The following EPHA6 variants were observed in gnomAD, a reference collection of about 807,000 sequenced individuals.
The protein encoded by EPHA6 is ephrin type-A receptor 6.
A neutral mutation model predicts 112.0 loss-of-function variants in EPHA6; 50 were observed. The ratio of observed to expected loss-of-function variants is 0.45; its 90% CI spans 0.36 to 0.56. EPHA6 has a LOEUF of 0.56. Ranked by LOEUF, EPHA6 falls within the 20% of genes least tolerant of loss-of-function variation. The probability of loss-of-function intolerance (pLI) is 0.00; values close to 1 mark genes in which losing one functional copy is unlikely to be tolerated. For missense variants in EPHA6, 1,280 were observed against 1,417.4 expected (o/e 0.90, Z 1.56); for synonymous variants, 529 against 490.7 (o/e 1.08, Z -1.03).
chr3:97,238,937 ATT>A (rs1281679445), intron 4 of EPHA6, among the ~76,000 whole-genome samples: 1 of 151,934 alleles, frequency 6.6e-6, no homozygotes, highest in Non-Finnish European at 1.5e-5. Flanking sequence ...GGTCTATTCG[ATT>A]TTTTGTTTGC....
intron 5 of EPHA6, among the ~76,000 whole-genome samples, chr3:97,386,334 T>C (rs556113002): frequency 3.9e-5 from 6 of 152,162 alleles, no homozygotes; most frequent in African/African-American, 9.6e-5. Context: ...ACAGAAAATT[T>C]GAATAAAAGA....
Position 96,856,075 on chromosome 3 carries a change from GA to G in EPHA6, c.386-10744del, listed in dbSNP as rs563953697. 3.9e-3 allele frequency among the ~76,000 whole-genome samples: 591 copies of G among 152,008 alleles called. 2 individuals carry two copies. Among genetic ancestry groups the G allele is most frequent in the Non-Finnish European group, 7.0e-3 (478 of 67,956 alleles). On this transcript the variant is annotated intron_variant, in intron 1 of 17. Transcript: ENST00000389672. ...GTAACATGGGCAAACCCCATCTCTA[GA>G]AAAAAGTGCAAACATTAGCCGGGCA...
chr3:97,700,770 T>A (rs1268345209), intron 14 of EPHA6, among the ~76,000 whole-genome samples: 2 of 152,198 alleles, frequency 1.3e-5, no homozygotes, highest in Non-Finnish European at 2.9e-5. Context: ...TATTACAAAA[T>A]ATTCAGTTCT....
intron 11 of EPHA6, among the ~76,000 whole-genome samples, chr3:97,551,395 T>A (rs2093026864): frequency 1.3e-5 from 2 of 152,182 alleles, no homozygotes; most frequent in South Asian, 4.1e-4. Flanking sequence ...CATTGGGTTA[T>A]ATCAATCACT....
intron 2 of EPHA6, among the ~76,000 whole-genome samples, chr3:96,934,251 G>A (rs2040473257): frequency 6.6e-6 from 1 of 151,730 alleles, no homozygotes; most frequent in Non-Finnish European, 1.5e-5. Context: ...GTCCTGGGAG[G>A]TAGTAACAAT....
chr3:97,124,507 G>GAGAAAT (rs2048132025), intron 3 of EPHA6, among the ~76,000 whole-genome samples: 1 of 145,916 alleles, frequency 6.9e-6, no homozygotes, highest in African/African-American at 2.5e-5. Context: ...GAAAGAGAAA[G>GAGAAAT]AAAGATGTTA....
At chr3:97,169,395 G>A (rs1285144145) in intron 3 of EPHA6, among the ~76,000 whole-genome samples, 1 of 152,084 alleles carries the variant, frequency 6.6e-6, no homozygotes, top group Admixed American at 6.6e-5. Flanking sequence ...TCAGTGCAAT[G>A]GATAGTAGAA....
intron 3 of EPHA6, among the ~76,000 whole-genome samples, chr3:97,056,470 G>A (rs1232496723): frequency 6.6e-6 from 1 of 152,138 alleles, no homozygotes; most frequent in Non-Finnish European, 1.5e-5. Context: ...GGAGGAAATT[G>A]GTCTTCTAGT....
intron 6 of EPHA6, among the ~76,000 whole-genome samples, chr3:97,415,744 A>G (rs1360247678): frequency 3.9e-5 from 6 of 152,088 alleles, no homozygotes; most frequent in African/African-American, 9.7e-5. Context: ...TATTCCTTTG[A>G]TAAATTAAAT....
chr3:97,652,488 T>A (rs1478676152), intron 14 of EPHA6, among the ~76,000 whole-genome samples: 2 of 152,060 alleles, frequency 1.3e-5, no homozygotes, highest in African/African-American at 2.4e-5. Context: ...GTTATACCAC[T>A]ATCCTTGGAC....
chr3:97,281,829 A>G (rs1012212724), intron 5 of EPHA6, among the ~76,000 whole-genome samples: 1 of 152,208 alleles, frequency 6.6e-6, no homozygotes, highest in Non-Finnish European at 1.5e-5. Flanking sequence ...GGAATTTTTA[A>G]TAAGTCAGGG....
intron 3 of EPHA6, among the ~76,000 whole-genome samples, chr3:97,190,277 A>T (rs758229851): frequency 1.3e-5 from 2 of 152,046 alleles, no homozygotes; most frequent in African/African-American, 2.4e-5. Flanking sequence ...TTAACTACCA[A>T]CATATTTATG....
intron 2 of EPHA6, among the ~76,000 whole-genome samples, chr3:96,935,073 A>G (rs1368737756): frequency 6.6e-6 from 1 of 151,850 alleles, no homozygotes; most frequent in African/African-American, 2.4e-5. Context: ...CAGTAACACT[A>G]AGAGCATTTA....
intron 6 of EPHA6, among the ~76,000 whole-genome samples, chr3:97,431,827 A>T (rs989641748): frequency 6.6e-6 from 1 of 152,144 alleles, no homozygotes; most frequent in Non-Finnish European, 1.5e-5. Flanking sequence ...ACAGGAATGA[A>T]GGGTTTTATT....
At chr3:97,563,622 A>C (rs2093222697) in intron 11 of EPHA6, among the ~76,000 whole-genome samples, 1 of 152,210 alleles carries the variant, frequency 6.6e-6, no homozygotes, top group African/African-American at 2.4e-5. Context: ...GCAAGAGCAA[A>C]GTAAAATTTA....
chr3:97,656,474 T>C (rs2094138427), intron 14 of EPHA6, among the ~76,000 whole-genome samples: 3 of 151,868 alleles, frequency 2.0e-5, no homozygotes, highest in Admixed American at 1.3e-4. Flanking sequence ...GATTAGGAGA[T>C]CTGAAGCTAG....
intron 5 of EPHA6, among the ~76,000 whole-genome samples, chr3:97,325,710 A>G (rs2082386965): frequency 6.6e-6 from 1 of 152,084 alleles, no homozygotes; most frequent in Non-Finnish European, 1.5e-5. Context: ...TGGTATGTTC[A>G]TCTACTTTTG....
chr3:96,962,682 A>G (rs1265535237), intron 2 of EPHA6, among the ~76,000 whole-genome samples: 4 of 151,578 alleles, frequency 2.6e-5, no homozygotes, highest in Non-Finnish European at 4.4e-5. Context: ...ATTTGCTCAG[A>G]AACAGCCTTA....
At chr3:97,229,403 G>C (rs1033539053) in intron 4 of EPHA6, among the ~76,000 whole-genome samples, 2 of 152,150 alleles carry the variant, frequency 1.3e-5, no homozygotes, top group African/African-American at 2.4e-5. Context: ...TATCAGGTGA[G>C]AGATGAGGAT....
Sources: gnomAD v4.1 joint callset for allele counts (sites outside exome capture counted in the v4.1 genomes callset) on GRCh38, gnomAD v4.1.1 for gene constraint, MANE v1.5 for transcripts, NCBI Gene and HGNC (gene_info 2026-07-23, HGNC 2026-07-21) for gene names.